The following DAB1 variants were observed in gnomAD, a reference collection of about 807,000 sequenced individuals.
DAB1 encodes disabled homolog 1.
In DAB1, 15 loss-of-function variants were observed where a neutral mutation model predicts 64.6. That is an observed-to-expected ratio of 0.23 (90% CI 0.16 to 0.36). The LOEUF (loss-of-function observed/expected upper bound fraction) is 0.36. Ranked by LOEUF, DAB1 falls within the 10% of genes least tolerant of loss-of-function variation. The probability of loss-of-function intolerance (pLI) is 1.00; values close to 1 mark genes in which losing one functional copy is unlikely to be tolerated. For synonymous variants in DAB1, 235 were observed against 251.9 expected (o/e 0.93, Z 0.64); for missense variants, 596 against 706.7 (o/e 0.84, Z 1.78).
chr1:57,669,595 C>T (rs921369324), intron 6 of DAB1, among the ~76,000 whole-genome samples: 1 of 152,142 alleles, frequency 6.6e-6, no homozygotes, highest in Non-Finnish European at 1.5e-5. Context: ...CTGCCCAGCA[C>T]TGTATACTAG....
intron 4 of DAB1, among the ~76,000 whole-genome samples, chr1:58,227,605 C>T (rs1426267262): frequency 1.3e-5 from 2 of 152,046 alleles, no homozygotes; most frequent in Non-Finnish European, 2.9e-5. Flanking sequence ...GCCAAAGCTA[C>T]AATAAGAAAG....
intron 5 of DAB1, chr1:58,080,313 T>C (rs1350908890): frequency 6.6e-6 from 1 of 152,196 alleles, no homozygotes; most frequent in Non-Finnish European, 1.5e-5. Context: ...ACCCAAAGGG[T>C]CCGTGACTTC....
rs143473405 is a variant in DAB1, at chr1:58,234,894, G to C, written n.310-84306C>G. 5.0e-3 allele frequency among the ~76,000 whole-genome samples: 763 copies of C among 152,334 alleles called. 3 individuals are homozygous for C. Among genetic ancestry groups the C allele is most frequent in the Middle Eastern group, 0.01 (3 of 294 alleles). On this transcript the variant is annotated intron_variant and non_coding_transcript_variant, in intron 4 of 20. Transcript: ENST00000485760. ...CTAGATTCTGTAGGTACAAGGTCTG[G>C]AGGAACTGGATAAGAGAAAACAGAG...
chr1:57,426,326 C>T (rs940317547), upstream of DAB1, among the ~76,000 whole-genome samples: 1 of 152,140 alleles, frequency 6.6e-6, no homozygotes. Flanking sequence ...GGCAAATTTC[C>T]CTGAAATTCA....
At chr1:57,746,867 A>AT (rs143589298) in intron 6 of DAB1, among the ~76,000 whole-genome samples, 7,263 of 147,780 alleles carry the variant, frequency 0.049, 237 homozygotes, top group South Asian at 0.073. Context: ...TAAGAATACC[A>AT]TTTTTTTTTT....
chr1:57,865,648 T>C (rs1339511279), intron 1 of DAB1, among the ~76,000 whole-genome samples: 1 of 152,144 alleles, frequency 6.6e-6, no homozygotes, highest in Non-Finnish European at 1.5e-5. Flanking sequence ...ATGCTCATCA[T>C]CACCTCACTA....
intron 5 of DAB1, among the ~76,000 whole-genome samples, chr1:58,122,672 T>C (rs184010294): frequency 7.9e-4 from 120 of 152,270 alleles, no homozygotes; most frequent in Non-Finnish European, 1.5e-3. Context: ...TGTCCAAGAA[T>C]TGGCCCCATC....
chr1:57,454,368 A>G (rs537453338), intron 7 of DAB1, among the ~76,000 whole-genome samples: 1 of 152,150 alleles, frequency 6.6e-6, no homozygotes, highest in African/African-American at 2.4e-5. Flanking sequence ...CATGGATGGA[A>G]CTGGAGGCTA....
intron 7 of DAB1, among the ~76,000 whole-genome samples, chr1:57,476,867 T>C (rs995805152): frequency 3.9e-5 from 6 of 152,322 alleles, no homozygotes; most frequent in African/African-American, 1.4e-4. Context: ...GGCTCTGGAT[T>C]CAGAGGACTT....
chr1:58,534,599 G>A (rs865843462), intron 1 of DAB1, among the ~76,000 whole-genome samples: 4 of 152,072 alleles, frequency 2.6e-5, no homozygotes, highest in East Asian at 1.9e-4. Flanking sequence ...AACTACAAAC[G>A]AATACTTAAG....
intron 4 of DAB1, among the ~76,000 whole-genome samples, chr1:58,152,741 G>GT (rs1184259462): frequency 2.0e-5 from 3 of 152,136 alleles, no homozygotes; most frequent in African/African-American, 7.2e-5. Context: ...AATATTACCA[G>GT]TTTTTTCTAT....
chr1:58,290,633 C>T (rs983164332), intron 4 of DAB1, among the ~76,000 whole-genome samples: 5 of 152,250 alleles, frequency 3.3e-5, no homozygotes, highest in Admixed American at 2.0e-4. Context: ...TTTCTTAGCT[C>T]GTCTCTGAAG....
chr1:58,285,776 C>T (rs1313725437), intron 4 of DAB1, among the ~76,000 whole-genome samples: 2 of 152,098 alleles, frequency 1.3e-5, no homozygotes, highest in Non-Finnish European at 2.9e-5. Flanking sequence ...ATTCCTATTA[C>T]ACTATCATTG....
intron 6 of DAB1, among the ~76,000 whole-genome samples, chr1:57,813,714 A>T (rs1651730843): frequency 1.3e-5 from 2 of 152,218 alleles, no homozygotes; most frequent in Admixed American, 6.5e-5. Flanking sequence ...AGGAATAACT[A>T]AATGAAGAGA....
At chr1:57,197,343 CAA>C (rs772162205) in intron 2 of DAB1, among the ~76,000 whole-genome samples, 20 of 90,076 alleles carry the variant, frequency 2.2e-4, no homozygotes, top group Non-Finnish European at 2.3e-4. Context: ...GACTTCATCT[CAA>C]AAAAAAAAAA....
intron 1 of DAB1, among the ~76,000 whole-genome samples, chr1:57,344,369 T>C (rs192826457): frequency 4.3e-4 from 66 of 152,326 alleles, no homozygotes; most frequent in African/African-American, 1.5e-3. Flanking sequence ...AGCCTTCAGC[T>C]ATGCCATCGT....
At chr1:57,745,115 A>C (rs3118047) in intron 6 of DAB1, among the ~76,000 whole-genome samples, 1 of 152,122 alleles carries the variant, frequency 6.6e-6, no homozygotes, top group African/African-American at 2.4e-5. Context: ...ATAATTATTT[A>C]TAGATTAGGG....
chr1:57,057,360 A>G (rs999018312), intron 9 of DAB1, among the ~76,000 whole-genome samples: 5 of 152,132 alleles, frequency 3.3e-5, no homozygotes, highest in African/African-American at 1.2e-4. Flanking sequence ...GTTATATAAA[A>G]TTTTAATTTT....
At chr1:57,310,605 T>C (rs918675572) in intron 1 of DAB1, among the ~76,000 whole-genome samples, 3 of 152,070 alleles carry the variant, frequency 2.0e-5, no homozygotes, top group Admixed American at 1.3e-4. Flanking sequence ...CCCAAGCAAC[T>C]CTGGAAAGGA....
Sources: allele counts gnomAD v4.1 joint callset (sites outside exome capture counted in the v4.1 genomes callset), GRCh38; gene constraint gnomAD v4.1.1; transcripts MANE v1.5; gene names NCBI Gene and HGNC (gene_info 2026-07-23, HGNC 2026-07-21).